MAST4: variants seen among roughly 807,000 people sequenced by gnomAD.
MAST4 encodes the protein microtubule associated serine/threonine kinase family member 4, also known as microtubule-associated serine/threonine-protein kinase 4.
In MAST4, 89 loss-of-function variants were observed where a neutral mutation model predicts 162.7. The ratio of observed to expected loss-of-function variants is 0.55; its 90% CI spans 0.46 to 0.65. The LOEUF (loss-of-function observed/expected upper bound fraction) is 0.65. Among genes scored for constraint, MAST4 ranks in the 30% least tolerant of loss-of-function variants. The pLI, the probability that MAST4 is intolerant of heterozygous loss-of-function variation, is 0.00. For missense variants in MAST4, 3,153 were observed against 3,374.0 expected (o/e 0.93, Z 1.62); for synonymous variants, 1,479 against 1,361.1 (o/e 1.09, Z -1.91).
chr5:66,769,058 T>G (rs1044818633), intron 2 of MAST4, among the ~76,000 whole-genome samples: 1 of 152,068 alleles, frequency 6.6e-6, no homozygotes, highest in African/African-American at 2.4e-5. Context: ...ATAAATGTAG[T>G]AGGATTTCTT....
chr5:66,718,192 T>G (rs1300049410), intron 1 of MAST4, among the ~76,000 whole-genome samples: 6 of 152,024 alleles, frequency 3.9e-5, no homozygotes, highest in Admixed American at 3.9e-4. Context: ...TTTCTTTTTT[T>G]TTTGCTTTGC....
chr5:66,669,880 G>C lies in MAST4; in HGVS notation c.363+72862G>C, dbSNP rs939781344. On this transcript the variant is annotated intron_variant, in intron 1 of 28. Transcript: ENST00000403625. Reference sequence around the variant, plus strand: ...TGAGGTAAGCCTTGAATGAAGAATAGGTTTGCCAGGAAAAAATGGGCAAAG... The same window carrying C: ...TGAGGTAAGCCTTGAATGAAGAATACGTTTGCCAGGAAAAAATGGGCAAAG... Among the ~76,000 whole-genome samples the C allele has an allele frequency of 3.3e-5, 5 of 152,184 alleles. No individual in the cohort carries two copies. The East Asian group carries it at 7.7e-4, about 23-fold the overall frequency.
intron 4 of MAST4, among the ~76,000 whole-genome samples, chr5:67,015,557 C>T (rs1156256061): frequency 6.6e-6 from 1 of 152,092 alleles, no homozygotes; most frequent in Non-Finnish European, 1.5e-5. Context: ...TTGTTTTTGC[C>T]GTCTAGTCCT....
chr5:66,826,723 A>G (rs1368944573), intron 3 of MAST4, among the ~76,000 whole-genome samples: 1 of 152,128 alleles, frequency 6.6e-6, no homozygotes, highest in African/African-American at 2.4e-5. Flanking sequence ...AGAAGTGTAT[A>G]TGAGTACACC....
intron 4 of MAST4, among the ~76,000 whole-genome samples, chr5:66,966,851 A>C (rs1746795616): frequency 6.6e-6 from 1 of 152,180 alleles, no homozygotes. Flanking sequence ...TTACACTGCA[A>C]TTTCTAGCAT....
chr5:66,690,458 T>C (rs1203357386), intron 1 of MAST4, among the ~76,000 whole-genome samples: 1 of 152,202 alleles, frequency 6.6e-6, no homozygotes, highest in Admixed American at 6.6e-5. Flanking sequence ...ATTTTTCTTC[T>C]AGTTATTGCT....
intron 2 of MAST4, among the ~76,000 whole-genome samples, chr5:66,776,505 A>G (rs183819539): frequency 5.9e-5 from 9 of 152,366 alleles, no homozygotes; most frequent in Non-Finnish European, 1.0e-4. Context: ...AATCAAAGCT[A>G]TAAGAAGTGA....
chr5:66,769,754 G>A (rs1027465135), intron 2 of MAST4, among the ~76,000 whole-genome samples: 2 of 152,156 alleles, frequency 1.3e-5, no homozygotes, highest in African/African-American at 2.4e-5. Context: ...ATTATTATGC[G>A]GTACATGACT....
At chr5:67,127,661 T>C (rs1333018494) in intron 14 of MAST4, among the ~76,000 whole-genome samples, 1 of 152,158 alleles carries the variant, frequency 6.6e-6, no homozygotes, top group African/African-American at 2.4e-5. Context: ...GCCAAGTTAT[T>C]TTCTGTGCTC....
rs144178095 is a variant in MAST4 at position 67,013,850 on chromosome 5, G to C, written c.675-40554G>C. ...AAACTGCCAGCTGAATAAAGCACTCGAGGAAATATGGTAAATGAAGCCTTT... is the reference window on the plus strand; with the variant it reads ...AAACTGCCAGCTGAATAAAGCACTCCAGGAAATATGGTAAATGAAGCCTTT... On this transcript the variant is annotated intron_variant, in intron 4 of 28. Transcript: ENST00000403625. 8.3e-3 allele frequency among the ~76,000 whole-genome samples: 1,266 copies of C among 152,246 alleles called. 12 individuals are homozygous for C. Among genetic ancestry groups the C allele is most frequent in the African/African-American group, 0.029 (1,205 of 41,550 alleles).
chr5:66,878,440 C>T (rs1364338166), intron 3 of MAST4, among the ~76,000 whole-genome samples: 1 of 152,232 alleles, frequency 6.6e-6, no homozygotes, highest in Non-Finnish European at 1.5e-5. Flanking sequence ...AACAATTCAG[C>T]ACCTTTGGGC....
At chr5:67,136,693 A>G (rs1223247439) in intron 19 of MAST4, 29 bp downstream of exon 19, 1 of 1,514,602 alleles carries the variant, frequency 6.6e-7, no homozygotes, top group Admixed American at 1.9e-5. Flanking sequence ...TAATTTTGCT[A>G]ATATGCAAGA....
chr5:67,038,826 A>G (rs372824011), intron 4 of MAST4, among the ~76,000 whole-genome samples: 1 of 152,200 alleles, frequency 6.6e-6, no homozygotes, highest in African/African-American at 2.4e-5. Context: ...TAATAGTACA[A>G]TGTGGTTTTG....
intron 10 of MAST4, among the ~76,000 whole-genome samples, chr5:67,108,507 T>C (rs542815114): frequency 6.6e-6 from 1 of 152,270 alleles, no homozygotes; most frequent in Non-Finnish European, 1.5e-5. Flanking sequence ...AGTTTCAATA[T>C]TTGAGATGTA....
intron 3 of MAST4, among the ~76,000 whole-genome samples, chr5:66,804,222 T>C (rs1381314192): frequency 6.6e-6 from 1 of 152,234 alleles, no homozygotes; most frequent in Non-Finnish European, 1.5e-5. Flanking sequence ...ATCAAGGTTA[T>C]GGTAGCTGAA....
intron 4 of MAST4, among the ~76,000 whole-genome samples, chr5:66,922,319 A>C (rs1261842744): frequency 1.3e-5 from 2 of 152,202 alleles, no homozygotes; most frequent in African/African-American, 4.8e-5. Context: ...TTGGGTCAGG[A>C]GTCAGTGACC....
intron 3 of MAST4, among the ~76,000 whole-genome samples, chr5:66,831,674 C>T (rs536819513): frequency 3.3e-5 from 5 of 152,248 alleles, no homozygotes; most frequent in Non-Finnish European, 7.4e-5. Flanking sequence ...TGCACTTTTC[C>T]ATCTTTTCTA....
intron 1 of MAST4, among the ~76,000 whole-genome samples, chr5:66,649,967 T>C (rs569023790): frequency 6.6e-6 from 1 of 151,834 alleles, no homozygotes; most frequent in Non-Finnish European, 1.5e-5. Flanking sequence ...TCAGGGCCTA[T>C]ACCAATTCAC....
intron 14 of MAST4, among the ~76,000 whole-genome samples, chr5:67,129,605 T>C (rs961729471): frequency 6.6e-6 from 1 of 151,434 alleles, no homozygotes; most frequent in Non-Finnish European, 1.5e-5. Context: ...GCACCTGTAA[T>C]CCCATCTACC....
Sources: gnomAD v4.1 joint callset for allele counts (sites outside exome capture counted in the v4.1 genomes callset) on GRCh38, gnomAD v4.1.1 for gene constraint, MANE v1.5 for transcripts, NCBI Gene and HGNC (gene_info 2026-07-23, HGNC 2026-07-21) for gene names.